Variants in ABR observed in about 807,000 individuals in gnomAD.
ABR encodes the protein active breakpoint cluster region-related protein.
Under a neutral mutation model 107.2 loss-of-function variants are expected in ABR, and 35 were observed. The observed-to-expected ratio is 0.33, with a 90% CI of 0.25 to 0.43. The LOEUF is 0.43. Among genes scored for constraint, ABR ranks in the 20% least tolerant of loss-of-function variants. The probability of loss-of-function intolerance (pLI) is 1.00; values close to 1 mark genes in which losing one functional copy is unlikely to be tolerated. For synonymous variants in ABR, 498 were observed against 462.0 expected, an observed-to-expected ratio of 1.08 and a Z score of -1.00; for missense variants, 815 against 1,115.2, an observed-to-expected ratio of 0.73 and a Z score of 3.83.
Position 1,011,675 on chromosome 17 carries a change from CAA to C in ABR, c.2101+169_2101+170del, listed in dbSNP as rs1169045319. 1.3e-6 allele frequency: 1 copy of C among 752,860 alleles called. No individual in the cohort carries two copies. The highest frequency in any genetic ancestry group is 3.2e-5 in the Admixed American group (1 of 30,810). The allele number at this position is 752,860 out of a possible 1,614,324, so 46.6% of individuals were successfully genotyped here. On this transcript the variant is annotated intron_variant, in intron 19 of 22. Coordinates refer to ENST00000302538, the MANE Select transcript of ABR (RefSeq NM_021962.5). This position sits in a 1 kb window ranked among gnomAD's most constrained non-coding sequence, Gnocchi z 4.8. ...GCAGTTGCTTACCTGCAGCAAGGGA[CAA>C]GAGATTGGAGGGGAGGGGATTACAA...
chr17:1,143,735 C>A (rs2040414152), intron 1 of ABR, among the ~76,000 whole-genome samples: 1 of 152,082 alleles, frequency 6.6e-6, no homozygotes, highest in African/African-American at 2.4e-5. Context: ...GAAGTGGCCG[C>A]CTGGAGAAGC....
intron 12 of ABR, among the ~76,000 whole-genome samples, chr17:1,057,655 GTA>G (rs1373581514): frequency 1.9e-3 from 18 of 9,686 alleles, no homozygotes; most frequent in Non-Finnish European, 2.1e-3. Context: ...GTGTATGTGT[GTA>G]TGTGTGTGTG....
At chr17:1,034,976 G>A (rs923464347) in intron 16 of ABR, among the ~76,000 whole-genome samples, 3 of 152,046 alleles carry the variant, frequency 2.0e-5, no homozygotes, top group Non-Finnish European at 4.4e-5. Context: ...CTGGATGAAC[G>A]ATGGCCAGCT....
chr17:1,203,200 A>T (rs147146634), intron 1 of ABR, among the ~76,000 whole-genome samples: 27 of 152,106 alleles, frequency 1.8e-4, no homozygotes, highest in Middle Eastern at 3.4e-3. Context: ...TCCTTTTAAA[A>T]GGTCTTTCAC....
chr17:1,226,710 C>A (rs1005440680), intron 1 of ABR, among the ~76,000 whole-genome samples: 5 of 46,882 alleles, frequency 1.1e-4, no homozygotes, highest in Admixed American at 7.9e-4. Flanking sequence ...TGTGTGTGTG[C>A]ATGCATGTAT....
intron 10 of ABR, among the ~76,000 whole-genome samples, chr17:1,060,282 C>T (rs2033775280): frequency 6.6e-6 from 1 of 151,996 alleles, no homozygotes; most frequent in African/African-American, 2.4e-5. Flanking sequence ...TGGTGGCGGG[C>T]GCCTGTAATC....
chr17:1,139,487 C>T (rs2040208829), intron 1 of ABR, among the ~76,000 whole-genome samples: 2 of 151,480 alleles, frequency 1.3e-5, no homozygotes, highest in Non-Finnish European at 2.9e-5. Flanking sequence ...CTCCTGACCT[C>T]GTGATCCACC....
Position 1,210,733 on chromosome 17 carries a change from C to G in ABR, c.838+18060G>C, listed in dbSNP as rs2042886417. Among the ~76,000 whole-genome samples, 1 of 152,214 alleles carries G rather than the reference C, an allele frequency of 6.6e-6. No individual in the cohort carries two copies. The highest frequency in any genetic ancestry group is 1.5e-5 in the Non-Finnish European group (1 of 68,032). On this transcript the variant is annotated intron_variant, in intron 1 of 22. Transcript: ENST00000574139. This position sits in a 1 kb window ranked among gnomAD's most constrained non-coding sequence, Gnocchi z 5.6. ...CACTTTATCAACCAACTGGCAACTC[C>G]TATCTACTCACACACAAACTCAAAA...
chr17:1,093,949 C>A (rs1567742091), intron 3 of ABR, among the ~76,000 whole-genome samples: 1 of 152,194 alleles, frequency 6.6e-6, no homozygotes, highest in East Asian at 1.9e-4. Context: ...CAGGACCCTC[C>A]TTCTGACCCT....
At chr17:1,018,106 G>C (rs569168492) in intron 16 of ABR, among the ~76,000 whole-genome samples, 1 of 151,350 alleles carries the variant, frequency 6.6e-6, no homozygotes, top group African/African-American at 2.5e-5. Context: ...GCTGTGGCGC[G>C]ATCCTGGCTC....
At chr17:1,130,001 AG>A (rs2039756008) in intron 1 of ABR, among the ~76,000 whole-genome samples, 1 of 152,208 alleles carries the variant, frequency 6.6e-6, no homozygotes, top group Non-Finnish European at 1.5e-5. Flanking sequence ...TGATGTTCAG[AG>A]GGATGGAAAG....
chr17:1,128,044 G>GT (rs2039672434), intron 1 of ABR, among the ~76,000 whole-genome samples: 1 of 140,066 alleles, frequency 7.1e-6, no homozygotes, highest in African/African-American at 3.3e-5. Flanking sequence ...TCCTGGTTAA[G>GT]GGGGGCTGAC....
intron 16 of ABR, among the ~76,000 whole-genome samples, chr17:1,028,153 T>TGG (rs2072378402): frequency 1.3e-5 from 2 of 152,130 alleles, no homozygotes; most frequent in Non-Finnish European, 2.9e-5. Flanking sequence ...TGCAGTGGCA[T>TGG]GATCTCGGCT....
At chr17:1,155,002 T>TC (rs2040984417) in intron 1 of ABR, 1 of 150,250 alleles carries the variant, frequency 6.7e-6, no homozygotes, top group Non-Finnish European at 1.5e-5. Context: ...GCAGATCCCT[T>TC]CCCGGGCGCC....
At chr17:1,060,180 G>A (rs2033761940) in intron 10 of ABR, among the ~76,000 whole-genome samples, 1 of 152,188 alleles carries the variant, frequency 6.6e-6, no homozygotes, top group African/African-American at 2.4e-5. Flanking sequence ...GGAGGCCGAG[G>A]TGGGCGGATC....
At position 1,013,109 on chromosome 17, in the gene ABR, T is replaced by C. The variant is rs776417075; in HGVS notation, c.1847A>G (p.Asn616Ser). 15 of 1,614,080 alleles carry C rather than the reference T, an allele frequency of 9.3e-6. No homozygotes were observed. The East Asian group carries it at 3.3e-4, about 36-fold the overall frequency. The part of the protein sequence containing the change: ...KNWHTDVIEM[N>S]GIKVEFSMKF... ...TCATTCCCATCCCCGGCTCACCCCGTTCATCTCAATCACGTCCGTGTGCCA... is the reference window on the plus strand; with the variant it reads ...TCATTCCCATCCCCGGCTCACCCCGCTCATCTCAATCACGTCCGTGTGCCA... Residue 616 changes from asparagine to serine, a missense_variant, in exon 17 of 23, where the codon AAC (asparagine) becomes AGC (serine). Asn to Ser is a conservative substitution (Grantham distance 46). Coordinates refer to ENST00000302538, the MANE Select transcript of ABR (RefSeq NM_021962.5).
At chr17:1,161,888 A>C (rs1190327668) in intron 1 of ABR, among the ~76,000 whole-genome samples, 5 of 152,064 alleles carry the variant, frequency 3.3e-5, no homozygotes, top group Non-Finnish European at 7.4e-5. Context: ...GGCCGAAGGC[A>C]CCTGTTAGGT....
At chr17:1,068,342 CT>C (rs978032158) in intron 9 of ABR, among the ~76,000 whole-genome samples, 10 of 152,330 alleles carry the variant, frequency 6.6e-5, no homozygotes, top group Admixed American at 2.0e-4. Flanking sequence ...CTTGCTCCCC[CT>C]GAGCTATACT....
intron 2 of ABR, chr17:1,108,855 G>A: frequency 3.5e-6 from 5 of 1,435,088 alleles, no homozygotes; most frequent in East Asian, 2.9e-5. Flanking sequence ...CTCTGCGCCC[G>A]CATCAGCCAT....
Sources: allele counts gnomAD v4.1 joint callset (sites outside exome capture counted in the v4.1 genomes callset), GRCh38; gene constraint gnomAD v4.1.1; non-coding constraint Gnocchi (gnomAD v3.1); transcripts MANE v1.5; gene names NCBI Gene and HGNC (gene_info 2026-07-23, HGNC 2026-07-21).